Variants in ASXL2 observed in about 807,000 individuals in gnomAD.
ASXL2 encodes putative Polycomb group protein ASXL2.
In ASXL2, 23 loss-of-function variants were observed where a neutral mutation model predicts 122.0. The observed-to-expected ratio is 0.19, with a 90% CI of 0.14 to 0.27. The LOEUF is 0.27. Ranked by LOEUF, ASXL2 falls within the 10% of genes least tolerant of loss-of-function variation. The probability of loss-of-function intolerance (pLI) is 1.00; values close to 1 mark genes in which losing one functional copy is unlikely to be tolerated. For missense variants in ASXL2, 1,518 were observed against 1,713.8 expected (o/e 0.89, Z 2.02); for synonymous variants, 650 against 637.0 (o/e 1.02, Z -0.31).
At chr2:25,837,667 C>T (rs2089527761) in intron 2 of ASXL2, among the ~76,000 whole-genome samples, 1 of 152,000 alleles carries the variant, frequency 6.6e-6, no homozygotes, top group South Asian at 2.1e-4. Flanking sequence ...GCCCGTGCAA[C>T]ACAGAGACCT....
intron 10 of ASXL2, 93 bp from the exon 11 acceptor site, chr2:25,753,732 G>C: frequency 2.1e-6 from 2 of 940,864 alleles, no homozygotes; most frequent in Non-Finnish European, 3.3e-6. Context: ...GCAGGAATTG[G>C]AATACTACCA....
Position 25,743,909 on chromosome 2 carries a change from T to C in ASXL2, c.2428A>G (p.Arg810Gly). The C allele has an allele frequency of 1.2e-6, 2 of 1,614,010 alleles. No individual in the cohort carries two copies. The highest frequency in any genetic ancestry group is 1.7e-6 in the Non-Finnish European group (2 of 1,179,880). The change falls in exon 13 of 13, where the codon AGA becomes GGA. Residue 810 changes from arginine to glycine, a missense_variant. Around this residue, in one of 8 missense-constraint regions of ASXL2, gnomAD observed 831 missense variants for 833.1 expected, o/e 1.00. Coordinates refer to ENST00000435504, the MANE Select transcript of ASXL2 (RefSeq NM_018263.6). ...ACAGAGGCCACTGTGGCTGTTGCTC[T>C]GGTGGGGTTCAGTTTTTCATTATCC... ...KLDNEKLNPT[R>G]ATATVASVSH...
intron 5 of ASXL2, among the ~76,000 whole-genome samples, chr2:25,789,014 T>C (rs565760989): frequency 7.3e-4 from 111 of 152,296 alleles, no homozygotes; most frequent in South Asian, 1.4e-3. Flanking sequence ...TTTTCTTGGC[T>C]TTTCTGATTG....
intron 8 of ASXL2, 110 bp downstream of exon 8, chr2:25,767,473 T>C: frequency 3.4e-6 from 4 of 1,182,476 alleles, no homozygotes; most frequent in Non-Finnish European, 4.7e-6. Flanking sequence ...ATCTTTGCTA[T>C]GTAACTCAAA....
intron 1 of ASXL2, among the ~76,000 whole-genome samples, chr2:25,852,328 A>T (rs534177135): frequency 2.2e-4 from 33 of 152,356 alleles, no homozygotes; most frequent in Middle Eastern, 6.8e-3. Flanking sequence ...TTTAAAAATT[A>T]TATTTTCTAA....
chr2:25,759,951 A>G (rs1007716246), intron 8 of ASXL2, among the ~76,000 whole-genome samples: 3 of 152,172 alleles, frequency 2.0e-5, no homozygotes, highest in Non-Finnish European at 4.4e-5. Flanking sequence ...TATTTCCCCC[A>G]AAAAACTGAG....
At position 25,742,698 on chromosome 2, in the gene ASXL2, T is replaced by C. The variant is rs770793548; in HGVS notation, c.3639A>G (p.Gly1213=). 2 of 1,613,986 alleles carry C rather than the reference T, an allele frequency of 1.2e-6. No individual in the cohort carries two copies. The highest frequency in any genetic ancestry group is 1.7e-6 in the Non-Finnish European group (2 of 1,179,880). ...QSAGKGDTSS[G]PHSRETLSTS... ...TAGATAGAGTTTCCCTGCTGTGAGG[T>C]CCTGAACTTGTGTCACCCTTGCCAG... is the stretch of plus-strand genomic sequence containing the variant. The change falls in exon 13 of 13, where the codon GGA becomes GGG. Residue 1213 remains glycine, a synonymous_variant. Coordinates refer to ENST00000435504, the MANE Select transcript of ASXL2 (RefSeq NM_018263.6).
At chr2:25,772,729 CAAAAAAAAAAAAA>C (rs70950119) in intron 5 of ASXL2, among the ~76,000 whole-genome samples, 5 of 58,940 alleles carry the variant, frequency 8.5e-5, no homozygotes, top group Non-Finnish European at 1.5e-4. Context: ...AACTTGGTCT[CAAAAAAAAAAAAA>C]AAAAAAAAAA....
intron 5 of ASXL2, among the ~76,000 whole-genome samples, chr2:25,782,626 AT>A (rs2149162556): frequency 6.6e-6 from 1 of 152,300 alleles, no homozygotes; most frequent in Non-Finnish European, 1.5e-5. Flanking sequence ...TTCTTGACTC[AT>A]TCTGGCTAAA....
At chr2:25,792,350 T>A (rs915737345) in intron 5 of ASXL2, among the ~76,000 whole-genome samples, 5 of 152,170 alleles carry the variant, frequency 3.3e-5, no homozygotes, top group African/African-American at 1.2e-4. Flanking sequence ...ATCAATAAAC[T>A]AATGGCTTAA....
intron 2 of ASXL2, among the ~76,000 whole-genome samples, chr2:25,837,174 T>G (rs948198250): frequency 1.3e-5 from 2 of 151,948 alleles, no homozygotes; most frequent in African/African-American, 2.4e-5. Flanking sequence ...AAAGCACATC[T>G]GTAAACACTA....
intron 3 of ASXL2, among the ~76,000 whole-genome samples, chr2:25,829,534 A>G (rs1167384121): frequency 6.6e-6 from 1 of 152,174 alleles, no homozygotes; most frequent in African/African-American, 2.4e-5. Flanking sequence ...TTGGATATCT[A>G]AACAGCTAAC....
At chr2:25,864,644 GTA>G (rs2089878508) in intron 1 of ASXL2, among the ~76,000 whole-genome samples, 1 of 151,806 alleles carries the variant, frequency 6.6e-6, no homozygotes, top group Non-Finnish European at 1.5e-5. Flanking sequence ...AGTCAAAGTA[GTA>G]TATCTCAAAC....
At chr2:25,780,410 G>C (rs1303170986) in intron 5 of ASXL2, 3 of 152,178 alleles carry the variant, frequency 2.0e-5, no homozygotes, top group Admixed American at 6.5e-5. Flanking sequence ...AGATTTTGTT[G>C]ATGGGTATTT....
At chr2:25,865,025 GTTGGCCAGC>G (rs2089885424) in intron 1 of ASXL2, among the ~76,000 whole-genome samples, 1 of 151,442 alleles carries the variant, frequency 6.6e-6, no homozygotes, top group Non-Finnish European at 1.5e-5. Context: ...GTTTTGCCAT[GTTGGCCAGC>G]TTGGTCTCGA....
chr2:25,818,618 G>A lies in ASXL2; in HGVS notation c.144-12281C>T, dbSNP rs546317870. 9.9e-5 allele frequency among the ~76,000 whole-genome samples: 15 copies of A among 152,254 alleles called. No homozygotes were observed. The East Asian group carries it at 2.9e-3, about 29-fold the overall frequency. Reference sequence around the variant, plus strand: ...ATGACTATAGCAGAAATAACCCAAAGAATAAGAATCCATGAGGTCATGCTA... The same window carrying A: ...ATGACTATAGCAGAAATAACCCAAAAAATAAGAATCCATGAGGTCATGCTA... On this transcript the variant is annotated intron_variant, in intron 3 of 12. Transcript: ENST00000435504.
rs1415821900 is a variant in ASXL2, at chr2:25,768,605, T to C, written c.631+137A>G. The C allele has an allele frequency of 7.7e-6, 7 of 913,410 alleles. No individual in the cohort carries two copies. The East Asian group carries it at 1.6e-4, about 21-fold the overall frequency. 56.6% of individuals were successfully genotyped at this position (913,410 alleles called of 1,614,324 possible). On this transcript the variant is annotated intron_variant, in intron 7 of 12. Transcript: ENST00000435504. Reference sequence around the variant, plus strand: ...TTTTCCCATTTATCCTGGATTTATATTGATGTTTTGGCAGTACAAGGATTG... The same window carrying C: ...TTTTCCCATTTATCCTGGATTTATACTGATGTTTTGGCAGTACAAGGATTG...
chr2:25,842,800 A>G (rs1426364120), intron 2 of ASXL2, among the ~76,000 whole-genome samples: 8 of 150,874 alleles, frequency 5.3e-5, no homozygotes, highest in African/African-American at 1.5e-4. Context: ...GTGTATATAT[A>G]TATATATATA....
chr2:25,835,752 A>G (rs1404529559), intron 2 of ASXL2, among the ~76,000 whole-genome samples: 1 of 152,228 alleles, frequency 6.6e-6, no homozygotes, highest in Admixed American at 6.5e-5. Context: ...AAAGATAAAC[A>G]AATTTAGCTA....
Sources: gnomAD v4.1 joint callset for allele counts (sites outside exome capture counted in the v4.1 genomes callset) on GRCh38, gnomAD v4.1.1 for gene constraint, gnomAD v4.1.1 regional missense constraint, MANE v1.5 for transcripts, NCBI Gene and HGNC (gene_info 2026-07-23, HGNC 2026-07-21) for gene names.